Variants in KIDINS220 observed in about 807,000 individuals in gnomAD.
KIDINS220 encodes the protein kinase D-interacting substrate of 220 kDa.
KIDINS220 carries 63 observed loss-of-function variants against 157.6 expected under a neutral mutation model. The ratio of observed to expected loss-of-function variants is 0.40; its 90% confidence interval spans 0.33 to 0.49. The LOEUF (loss-of-function observed/expected upper bound fraction) is 0.49. Ranked by LOEUF, KIDINS220 falls within the 20% of genes least tolerant of loss-of-function variation. The probability of loss-of-function intolerance (pLI) is 0.66; values close to 1 mark genes in which losing one functional copy is unlikely to be tolerated. For synonymous variants in KIDINS220, 732 were observed against 783.6 expected (o/e 0.93, Z 1.10); for missense variants, 1,772 against 2,171.2 (o/e 0.82, Z 3.65).
At position 8,730,684 on chromosome 2, in the gene KIDINS220, A is replaced by G. The variant is rs6431959; in HGVS notation, c.*36T>C. 0.98 allele frequency: 1,556,162 copies of G among 1,585,206 alleles called. 764,435 individuals are homozygous for G. The highest frequency in any genetic ancestry group is 1 in the South Asian group (85,657 of 85,972). On this transcript the variant is annotated 3_prime_UTR_variant, in exon 30 of 30. Transcript: ENST00000256707. The stretch of plus-strand genomic sequence containing the variant: ...AAAATCCAGGACAATTCTGTCATAA[A>G]GGTACAGTAACACTCTTCTCCTTTG...
intron 26 of KIDINS220, among the ~76,000 whole-genome samples, chr2:8,739,610 T>C (rs1238396657): frequency 6.6e-6 from 1 of 152,158 alleles, no homozygotes; most frequent in Non-Finnish European, 1.5e-5. Context: ...AATAATTCAG[T>C]AGGTAAATTC....
chr2:8,787,672 A>C (rs1316253699), intron 15 of KIDINS220, among the ~76,000 whole-genome samples: 1 of 150,516 alleles, frequency 6.6e-6, no homozygotes, highest in Admixed American at 6.6e-5. Context: ...GGCTTAATAC[A>C]TTTTAAATTC....
At chr2:8,786,110 G>A (rs1672363074) in intron 16 of KIDINS220, 80 bp from the exon 17 acceptor site, 4 of 1,558,498 alleles carry the variant, frequency 2.6e-6, no homozygotes, top group Admixed American at 1.8e-5. Context: ...AATACCTGAT[G>A]AGTCTAATGT....
chr2:8,778,520 A>G, intron 20 of KIDINS220, 119 bp downstream of exon 20: 1 of 771,652 alleles, frequency 1.3e-6, no homozygotes, highest in Admixed American at 1.9e-5. Context: ...TTCAATGATA[A>G]TGTTTATTTG....
chr2:8,787,962 G>A (rs75139938), intron 15 of KIDINS220, among the ~76,000 whole-genome samples: 2,412 of 152,252 alleles, frequency 0.016, 58 homozygotes, highest in African/African-American at 0.053. Flanking sequence ...GGTCTCCAGC[G>A]GGAAGCTCTC....
chr2:8,801,597 A>G (rs1177006007), intron 8 of KIDINS220, among the ~76,000 whole-genome samples: 1 of 152,204 alleles, frequency 6.6e-6, no homozygotes, highest in African/African-American at 2.4e-5. Flanking sequence ...AAATAAGGTA[A>G]TGTTCTAGAA....
rs1478706693 is a variant in KIDINS220 at position 8,785,861 on chromosome 2, G to A, written c.2109C>T (p.Ala703=). Residue 703 remains alanine, a synonymous_variant, in exon 17 of 30, where the codon GCC becomes GCT. Coordinates refer to ENST00000256707, the MANE Select transcript of KIDINS220 (RefSeq NM_020738.4). Reference sequence around the variant, plus strand: ...ACCATGTACGACAGTTCAACACAAAGGCCAATCCCACTACAGATGCGATTG... The same window carrying A: ...ACCATGTACGACAGTTCAACACAAAAGCCAATCCCACTACAGATGCGATTG... ...LISIASVVGL[A]FVLNCRTWWQ... is the part of the protein sequence containing the mutation. The A allele has an allele frequency of 2.5e-6, 4 of 1,613,930 alleles. No homozygotes were observed. Among genetic ancestry groups the A allele is most frequent in the Non-Finnish European group, 1.7e-6 (2 of 1,179,984 alleles).
chr2:8,808,569 T>C (rs1675841085), intron 6 of KIDINS220, among the ~76,000 whole-genome samples: 1 of 152,244 alleles, frequency 6.6e-6, no homozygotes, highest in Non-Finnish European at 1.5e-5. Context: ...TCCCTCACCT[T>C]GCATGCTGTC....
intron 7 of KIDINS220, among the ~76,000 whole-genome samples, chr2:8,805,618 T>C (rs547657723): frequency 6.6e-5 from 10 of 152,144 alleles, no homozygotes; most frequent in African/African-American, 2.4e-4. Flanking sequence ...ACTTATGAAA[T>C]TACACAGGTT....
At chr2:8,783,561 ACTCT>A (rs893259073) in intron 17 of KIDINS220, among the ~76,000 whole-genome samples, 1 of 152,120 alleles carries the variant, frequency 6.6e-6, no homozygotes, top group Non-Finnish European at 1.5e-5. Context: ...AGATGACTTG[ACTCT>A]CTATGTAGAA....
At chr2:8,828,936 T>A (rs1679218481) in intron 1 of KIDINS220, among the ~76,000 whole-genome samples, 1 of 152,156 alleles carries the variant, frequency 6.6e-6, no homozygotes, top group Non-Finnish European at 1.5e-5. Flanking sequence ...ATACCTGATT[T>A]AGATGATGAG....
rs1671452702 is a variant in KIDINS220 at position 8,779,773 on chromosome 2, T to G, written c.2271A>C (p.Lys757Asn). Residue 757 changes from lysine to asparagine, a missense_variant, in exon 18 of 30, where the codon AAA becomes AAC. Lys to Asn is a moderately conservative substitution (Grantham distance 94). Transcript: ENST00000256707. Reference protein sequence around the residue: ...CEVELMARMAKTIDSFTQNQT... With the variant: ...CEVELMARMANTIDSFTQNQT... ...GATTCTGAGTGAAGCTGTCAATGGT[T>G]TTTGCCATCCTGGCCATCAATTCCA... 1 of 1,614,040 alleles carries G rather than the reference T, an allele frequency of 6.2e-7. No individual in the cohort carries two copies. Among genetic ancestry groups the G allele is most frequent in the South Asian group, 1.1e-5 (1 of 91,094 alleles).
chr2:8,735,230 C>T (rs1664696938), intron 27 of KIDINS220, among the ~76,000 whole-genome samples: 1 of 152,176 alleles, frequency 6.6e-6, no homozygotes, highest in South Asian at 2.1e-4. Flanking sequence ...CACTAATTTT[C>T]CAGTCTATTA....
In KIDINS220 at chr2:8,731,357, G is replaced by T. The variant is rs773570658; in HGVS notation, c.4679C>A (p.Ala1560Asp). The T allele has an allele frequency of 1.2e-6, 2 of 1,614,104 alleles. No individual in the cohort carries two copies. Among genetic ancestry groups the T allele is most frequent in the Non-Finnish European group, 1.7e-6 (2 of 1,180,058 alleles). Residue 1560 changes from alanine (A) to aspartate (D), a missense_variant, in exon 30 of 30, where the codon GCT (alanine) becomes GAT (aspartate). Coordinates refer to ENST00000256707, the MANE Select transcript of KIDINS220 (RefSeq NM_020738.4). The surrounding 1 kb of genome is among the most constrained non-coding windows in gnomAD (Gnocchi z 5.2). The part of the protein sequence containing the change: ...ERVPKSPEHS[A>D]EPIRTFIKAK... ...TTTAATGAAGGTTCTGATCGGCTCA[G>T]CACTGTGTTCTGGAGACTTCGGCAC...
intron 2 of KIDINS220, among the ~76,000 whole-genome samples, chr2:8,825,013 G>T (rs2148426608): frequency 6.6e-6 from 1 of 152,222 alleles, no homozygotes; most frequent in Non-Finnish European, 1.5e-5. Context: ...CACTGCCAGG[G>T]TTTAGGGAGA....
chr2:8,788,065 GA>G (rs1359425474), intron 15 of KIDINS220, among the ~76,000 whole-genome samples: 1 of 152,122 alleles, frequency 6.6e-6, no homozygotes, highest in African/African-American at 2.4e-5. Context: ...ATAACAGGGA[GA>G]AAAGGTTTAT....
chr2:8,752,162 G>A (rs1391125913), intron 22 of KIDINS220, among the ~76,000 whole-genome samples: 1 of 152,018 alleles, frequency 6.6e-6, no homozygotes, highest in African/African-American at 2.4e-5. Flanking sequence ...TAAGACTACA[G>A]GCTCATGCCA....
chr2:8,771,338 C>T (rs78869799), intron 21 of KIDINS220, among the ~76,000 whole-genome samples: 2,557 of 152,266 alleles, frequency 0.017, 35 homozygotes, highest in Middle Eastern at 0.037. Flanking sequence ...ATGTAAGTAA[C>T]CTACCAACTG....
At chr2:8,736,333 G>C (rs1664851755) in intron 27 of KIDINS220, among the ~76,000 whole-genome samples, 1 of 151,820 alleles carries the variant, frequency 6.6e-6, no homozygotes, top group Non-Finnish European at 1.5e-5. Context: ...TAGGATCTTA[G>C]AAGAAAAAAA....
Sources: gnomAD v4.1 joint callset for allele counts (sites outside exome capture counted in the v4.1 genomes callset) on GRCh38, gnomAD v4.1.1 for gene constraint, Gnocchi (gnomAD v3.1) non-coding constraint, MANE v1.5 for transcripts, NCBI Gene and HGNC (gene_info 2026-07-23, HGNC 2026-07-21) for gene names.